DPP10: variants seen among roughly 807,000 people sequenced by gnomAD.
DPP10 encodes the protein inactive dipeptidyl peptidase 10.
A neutral mutation model predicts 120.9 loss-of-function variants in DPP10; 33 were observed. The ratio of observed to expected loss-of-function variants is 0.27; its 90% CI spans 0.21 to 0.37. The LOEUF (loss-of-function observed/expected upper bound fraction) is 0.37. Ranked by LOEUF, DPP10 falls within the 10% of genes least tolerant of loss-of-function variation. The pLI, the probability that DPP10 is intolerant of heterozygous loss-of-function variation, is 1.00. For synonymous variants in DPP10, 337 were observed against 326.1 expected (o/e 1.03, Z -0.36); for missense variants, 816 against 942.8 (o/e 0.87, Z 1.76).
intron 1 of DPP10, among the ~76,000 whole-genome samples, chr2:114,776,392 G>GA (rs1681742346): frequency 6.6e-6 from 1 of 151,902 alleles, no homozygotes; most frequent in Non-Finnish European, 1.5e-5. Context: ...TATGTAGAAG[G>GA]AAAAAACAGT....
At chr2:114,736,037 A>T (rs1192548864) in intron 1 of DPP10, among the ~76,000 whole-genome samples, 1 of 152,076 alleles carries the variant, frequency 6.6e-6, no homozygotes, top group Non-Finnish European at 1.5e-5. Flanking sequence ...AAATAAATAT[A>T]CAAGTAGATC....
At chr2:115,801,343 G>T (rs181543381) in intron 19 of DPP10, among the ~76,000 whole-genome samples, 1 of 152,144 alleles carries the variant, frequency 6.6e-6, no homozygotes, top group Non-Finnish European at 1.5e-5. Flanking sequence ...GGCCTGAGAC[G>T]ATGGGGTTTT....
intron 1 of DPP10, among the ~76,000 whole-genome samples, chr2:115,158,821 A>G (rs1012349146): frequency 6.6e-6 from 1 of 152,172 alleles, no homozygotes; most frequent in South Asian, 2.1e-4. Context: ...CTTTAAATAG[A>G]TTTTTGTATT....
rs1048994691 is a variant in DPP10, at chr2:114,750,472, C to T, written c.60+307634C>T. ...CCTCAGCCTCCCGAGTAGCTGGGAC[C>T]ACAGGCGCCTGCCACCACGCCCAGC... On this transcript the variant is annotated intron_variant, in intron 1 of 25. Transcript: ENST00000410059. 7.9e-5 allele frequency among the ~76,000 whole-genome samples: 12 copies of T among 151,854 alleles called. 1 individual carries two copies. Among genetic ancestry groups the T allele is most frequent in the Non-Finnish European group, 1.8e-4 (12 of 67,966 alleles).
At chr2:115,093,301 A>G (rs1709434001) in intron 1 of DPP10, among the ~76,000 whole-genome samples, 2 of 152,136 alleles carry the variant, frequency 1.3e-5, no homozygotes, top group Non-Finnish European at 2.9e-5. Flanking sequence ...TGCATCATAA[A>G]ACAGTATCAT....
At chr2:115,165,192 G>A (rs910671225) in intron 1 of DPP10, among the ~76,000 whole-genome samples, 1 of 152,174 alleles carries the variant, frequency 6.6e-6, no homozygotes, top group African/African-American at 2.4e-5. Context: ...GGTTCATAAA[G>A]TAACATTTCT....
At chr2:114,812,618 A>AC (rs1558766410) in intron 1 of DPP10, among the ~76,000 whole-genome samples, 2 of 149,868 alleles carry the variant, frequency 1.3e-5, no homozygotes, top group Admixed American at 6.7e-5. Context: ...ACACACACAC[A>AC]ATTATAATTA....
At chr2:114,775,141 G>C (rs1274501756) in intron 1 of DPP10, among the ~76,000 whole-genome samples, 1 of 151,942 alleles carries the variant, frequency 6.6e-6, no homozygotes, top group East Asian at 1.9e-4. Flanking sequence ...GCAATTAGAA[G>C]GTAAGAATTA....
chr2:114,735,579 C>A (rs1260471746), intron 1 of DPP10, among the ~76,000 whole-genome samples: 2 of 152,102 alleles, frequency 1.3e-5, no homozygotes, highest in African/African-American at 4.8e-5. Flanking sequence ...AATGACCAAG[C>A]AAATCCCCTT....
At chr2:115,184,533 T>C (rs937730361) in intron 1 of DPP10, among the ~76,000 whole-genome samples, 8 of 152,186 alleles carry the variant, frequency 5.3e-5, no homozygotes, top group Non-Finnish European at 8.8e-5. Flanking sequence ...CCTTGAGGAA[T>C]GGCCCCATTT....
At position 115,466,651 on chromosome 2, in the gene DPP10, C is replaced by T. The variant is rs181410038; in HGVS notation, c.272-32859C>T. On this transcript the variant is annotated intron_variant, in intron 3 of 25. Coordinates refer to ENST00000410059, the MANE Select transcript of DPP10 (RefSeq NM_020868.6). ...CTTTTGTGAAAAATAGAAAGGGTTA[C>T]ATAATAAAATATTAATTGTCTAGAA... is the stretch of plus-strand genomic sequence containing the variant. Among the ~76,000 whole-genome samples, 10 of 152,178 alleles carry T rather than the reference C, an allele frequency of 6.6e-5. No individual in the cohort carries two copies. The East Asian group carries it at 1.7e-3, about 27-fold the overall frequency.
At chr2:114,549,871 A>G (rs1265024260) in intron 1 of DPP10, among the ~76,000 whole-genome samples, 2 of 152,104 alleles carry the variant, frequency 1.3e-5, no homozygotes, top group African/African-American at 4.8e-5. Context: ...GAAAGCTCCC[A>G]TTTCATACAC....
rs1335927564 is a variant in DPP10 at position 114,711,284 on chromosome 2, C to T, written c.60+268446C>T. On this transcript the variant is annotated intron_variant, in intron 1 of 25. Coordinates refer to ENST00000410059, the MANE Select transcript of DPP10 (RefSeq NM_020868.6). ...TGGCACAGGGTGAATAGATATAATACATACTTCCAGCTCAGCAGACTAACA... is the reference window on the plus strand; with the variant it reads ...TGGCACAGGGTGAATAGATATAATATATACTTCCAGCTCAGCAGACTAACA... Among the ~76,000 whole-genome samples, 4 of 152,162 alleles carry T rather than the reference C, an allele frequency of 2.6e-5. No homozygotes were observed. In the South Asian group the frequency reaches 8.3e-4, roughly 31 times the overall value.
intron 1 of DPP10, among the ~76,000 whole-genome samples, chr2:114,477,955 G>GTGTATATATGTACATA (rs1558795181): frequency 8.0e-5 from 12 of 149,664 alleles, no homozygotes; most frequent in Non-Finnish European, 1.5e-4. Context: ...GTACATATAT[G>GTGTATATATGTACATA]TGTGTATATG....
intron 1 of DPP10, among the ~76,000 whole-genome samples, chr2:114,788,098 T>C (rs1216067334): frequency 6.6e-6 from 1 of 152,178 alleles, no homozygotes; most frequent in Admixed American, 6.5e-5. Flanking sequence ...TCTATGTTCA[T>C]ATATACATAT....
At chr2:114,507,513 A>C (rs1248681869) in intron 1 of DPP10, among the ~76,000 whole-genome samples, 2 of 152,240 alleles carry the variant, frequency 1.3e-5, no homozygotes, top group East Asian at 3.8e-4. Context: ...TGAGCACCAG[A>C]AACAACATGA....
intron 19 of DPP10, among the ~76,000 whole-genome samples, chr2:115,795,315 T>C (rs931781421): frequency 1.3e-5 from 2 of 152,196 alleles, no homozygotes; most frequent in Admixed American, 6.6e-5. Flanking sequence ...GCTCAAGTTA[T>C]CTTGCCACAC....
At chr2:114,692,966 T>G (rs1699858105) in intron 1 of DPP10, among the ~76,000 whole-genome samples, 1 of 152,122 alleles carries the variant, frequency 6.6e-6, no homozygotes, top group African/African-American at 2.4e-5. Context: ...TAAGTCTATG[T>G]GTGTCTTTGC....
intron 5 of DPP10, among the ~76,000 whole-genome samples, chr2:115,643,168 C>A (rs939994093): frequency 3.3e-5 from 5 of 150,358 alleles, no homozygotes; most frequent in African/African-American, 1.2e-4. Flanking sequence ...ACTGTGACAG[C>A]ATTAATATTC....
Sources: gnomAD v4.1 joint callset for allele counts (sites outside exome capture counted in the v4.1 genomes callset) on GRCh38, gnomAD v4.1.1 for gene constraint, MANE v1.5 for transcripts, NCBI Gene and HGNC (gene_info 2026-07-23, HGNC 2026-07-21) for gene names.